Variants in ANKFN1 observed in about 807,000 individuals in gnomAD.
ANKFN1 encodes the protein ankyrin repeat and fibronectin type-III domain-containing protein 1.
In ANKFN1, 74 loss-of-function variants were observed where a neutral mutation model predicts 108.7. That is an observed-to-expected ratio of 0.68 (90% confidence interval 0.56 to 0.83). The LOEUF (loss-of-function observed/expected upper bound fraction) is 0.83, where lower values mean the gene tolerates loss of function less well. Ranked by LOEUF, ANKFN1 falls within the 40% of genes least tolerant of loss-of-function variation. The pLI, the probability that ANKFN1 is intolerant of heterozygous loss-of-function variation, is 0.00. For missense variants in ANKFN1, 1,505 were observed against 1,382.3 expected (o/e 1.09, Z -1.41); for synonymous variants, 547 against 516.2 (o/e 1.06, Z -0.81).
chr17:56,103,769 A>G (rs1485038170), intron 4 of ANKFN1, among the ~76,000 whole-genome samples: 1 of 152,180 alleles, frequency 6.6e-6, no homozygotes, highest in Non-Finnish European at 1.5e-5. Flanking sequence ...AAATAAAACA[A>G]AAAGTGTTGG....
intron 3 of ANKFN1, among the ~76,000 whole-genome samples, chr17:56,280,862 T>A (rs1423925192): frequency 6.6e-6 from 1 of 152,172 alleles, no homozygotes; most frequent in Non-Finnish European, 1.5e-5. Context: ...CCATATGTTG[T>A]GGGAGGGACC....
chr17:56,250,941 CT>C (rs1285460976), intron 3 of ANKFN1, among the ~76,000 whole-genome samples: 14 of 152,258 alleles, frequency 9.2e-5, no homozygotes, highest in African/African-American at 3.1e-4. Flanking sequence ...CAGATATAAT[CT>C]CGTTAACAGC....
intron 11 of ANKFN1, among the ~76,000 whole-genome samples, chr17:56,456,210 G>A (rs1246512434): frequency 6.6e-6 from 1 of 152,124 alleles, no homozygotes; most frequent in Non-Finnish European, 1.5e-5. Flanking sequence ...TGGGAGAAGG[G>A]CAAAGGAGTT....
intron 8 of ANKFN1, among the ~76,000 whole-genome samples, chr17:56,385,145 G>C (rs1273033729): frequency 1.3e-5 from 2 of 151,534 alleles, no homozygotes; most frequent in Non-Finnish European, 3.0e-5. Flanking sequence ...GAACAGAACA[G>C]AGCCCTCAGA....
chr17:56,221,858 G>A (rs1034283537), intron 2 of ANKFN1, among the ~76,000 whole-genome samples: 1 of 152,146 alleles, frequency 6.6e-6, no homozygotes, highest in Non-Finnish European at 1.5e-5. Context: ...TACAGGGCTG[G>A]GGAAGGTGAG....
intron 3 of ANKFN1, among the ~76,000 whole-genome samples, chr17:56,283,538 T>TATATATATATATATATATATA (rs1263196279): frequency 8.0e-5 from 12 of 150,136 alleles, no homozygotes; most frequent in African/African-American, 2.3e-4. Context: ...TATATATATA[T>TATATATATATATATATATATA]GATGGAATAC....
intron 3 of ANKFN1, among the ~76,000 whole-genome samples, chr17:56,293,595 G>A (rs2044426067): frequency 6.6e-6 from 1 of 152,134 alleles, no homozygotes. Flanking sequence ...GTGGGACAGT[G>A]GGATAAGCTG....
intron 15 of ANKFN1, among the ~76,000 whole-genome samples, chr17:56,467,762 AG>A (rs2050132534): frequency 3.0e-5 from 1 of 33,312 alleles, no homozygotes; most frequent in Admixed American, 4.5e-4. Flanking sequence ...AAAGAAAGAA[AG>A]AAAGAAAGAA....
intron 20 of ANKFN1, among the ~76,000 whole-genome samples, chr17:56,507,928 C>T (rs2051621533): frequency 6.6e-6 from 1 of 152,208 alleles, no homozygotes; most frequent in Non-Finnish European, 1.5e-5. Flanking sequence ...CACAGAACTT[C>T]ATACTACCCA....
chr17:56,276,421 C>T lies in ANKFN1; in HGVS notation c.53+48464C>T, dbSNP rs1464730965. On this transcript the variant is annotated intron_variant, in intron 3 of 20. Transcript: ENST00000682825. ...TTCTAGTTCTAGGTCCTTGAGGAATCGCCACACTGTCTTCCACAATGGTTG... is the reference window on the plus strand; with the variant it reads ...TTCTAGTTCTAGGTCCTTGAGGAATTGCCACACTGTCTTCCACAATGGTTG... Among the ~76,000 whole-genome samples, 12 of 152,272 alleles carry T rather than the reference C, an allele frequency of 7.9e-5. No homozygotes were observed. In the East Asian group the frequency reaches 1.9e-3, roughly 25 times the overall value.
At chr17:56,480,544 A>G in intron 16 of ANKFN1, 124 bp from the exon 17 acceptor site, 2 of 1,032,244 alleles carry the variant, frequency 1.9e-6, no homozygotes, top group South Asian at 3.3e-5. Context: ...AATTTCATGA[A>G]TTACACTGAG....
chr17:56,059,874 C>A (rs1387966553), intron 4 of ANKFN1, among the ~76,000 whole-genome samples: 1 of 152,160 alleles, frequency 6.6e-6, no homozygotes, highest in Non-Finnish European at 1.5e-5. Context: ...ATGCCTCCAG[C>A]TTTGTTCTTT....
intron 3 of ANKFN1, among the ~76,000 whole-genome samples, chr17:56,229,398 A>G (rs1916531074): frequency 6.6e-6 from 1 of 151,998 alleles, no homozygotes; most frequent in Non-Finnish European, 1.5e-5. Context: ...GTTCAGGGGA[A>G]ATTGCCTATG....
chr17:56,436,971 A>G lies in ANKFN1; in HGVS notation c.911-3356A>G, dbSNP rs555150645. 4.6e-5 allele frequency among the ~76,000 whole-genome samples: 7 copies of G among 152,312 alleles called. No individual in the cohort carries two copies. The South Asian group carries it at 8.3e-4, about 18-fold the overall frequency. On this transcript the variant is annotated intron_variant, in intron 8 of 20. Transcript: ENST00000682825. ...GCTTCATGCCAAAAGGAGTCCACCA[A>G]CCCAAGGAAATACACAGAGGGAAAA...
intron 1 of ANKFN1, among the ~76,000 whole-genome samples, chr17:56,181,829 T>C (rs1424740638): frequency 6.6e-6 from 1 of 152,194 alleles, no homozygotes; most frequent in Admixed American, 6.5e-5. Context: ...AATTGAAGGT[T>C]TGTGACAACC....
chr17:56,305,891 C>T (rs2044808977), intron 3 of ANKFN1, among the ~76,000 whole-genome samples: 1 of 151,992 alleles, frequency 6.6e-6, no homozygotes, highest in African/African-American at 2.4e-5. Flanking sequence ...TCACTTGCAC[C>T]AGCATCATTT....
At chr17:56,485,625 A>G (rs2050830272) in intron 18 of ANKFN1, among the ~76,000 whole-genome samples, 1 of 152,234 alleles carries the variant, frequency 6.6e-6, no homozygotes, top group African/African-American at 2.4e-5. Flanking sequence ...TCCAGTGGTC[A>G]TCCCCCTAAA....
chr17:56,299,588 A>G (rs2044615215), intron 3 of ANKFN1, among the ~76,000 whole-genome samples: 1 of 152,168 alleles, frequency 6.6e-6, no homozygotes, highest in Non-Finnish European at 1.5e-5. Flanking sequence ...GGTGTCTCTA[A>G]CATCAATCTG....
chr17:56,182,400 C>T (rs1022433426), intron 1 of ANKFN1, among the ~76,000 whole-genome samples: 10 of 152,088 alleles, frequency 6.6e-5, no homozygotes, highest in Non-Finnish European at 1.2e-4. Context: ...AGCAAAACAG[C>T]CTTATTGCTG....
Sources: allele counts gnomAD v4.1 joint callset (sites outside exome capture counted in the v4.1 genomes callset), GRCh38; gene constraint gnomAD v4.1.1; transcripts MANE v1.5; gene names NCBI Gene and HGNC (gene_info 2026-07-23, HGNC 2026-07-21).